Variants in RNF128 observed in about 807,000 individuals in gnomAD.
RNF128 encodes the protein ring finger protein 128, also known as E3 ubiquitin-protein ligase RNF128.
In RNF128, 13 loss-of-function variants were observed where a neutral mutation model predicts 26.2. The observed-to-expected ratio is 0.50, with a 90% CI of 0.32 to 0.79. The LOEUF (loss-of-function observed/expected upper bound fraction) is 0.79, where lower values mean the gene tolerates loss of function less well. RNF128 is among the 30% of genes least tolerant of loss of function. The probability of loss-of-function intolerance (pLI) is 0.03; values close to 1 mark genes in which losing one functional copy is unlikely to be tolerated. For synonymous variants in RNF128, 149 were observed against 142.5 expected (o/e 1.05, Z -0.32); for missense variants, 315 against 349.7 (o/e 0.90, Z 0.79).
intron 4 of RNF128, among the ~76,000 whole-genome samples, chrX:106,789,353 A>G (rs1221092320): frequency 1.0e-5 from 1 of 97,009 alleles, no homozygotes; most frequent in East Asian, 3.2e-4. Context: ...TTTATATTAT[A>G]TTATGTATAT....
chrX:106,734,694 G>A (rs1929560308), intron 1 of RNF128, among the ~76,000 whole-genome samples: 1 of 112,109 alleles, frequency 8.9e-6, no homozygotes, highest in Non-Finnish European at 1.9e-5. Flanking sequence ...GCACACCTGT[G>A]TGACCAGCGC....
intron 2 of RNF128, among the ~76,000 whole-genome samples, chrX:106,777,655 C>T (rs763378444): frequency 8.9e-6 from 1 of 111,876 alleles, no homozygotes; most frequent in South Asian, 3.8e-4. Flanking sequence ...AGGATGGAGG[C>T]CTTCATGATA....
intron 2 of RNF128, among the ~76,000 whole-genome samples, chrX:106,776,447 C>A (rs1423219445): frequency 8.9e-6 from 1 of 111,901 alleles, no homozygotes; most frequent in Admixed American, 9.5e-5. Context: ...AGAAGGAAAT[C>A]ATCTTCCAAG....
chrX:106,728,141 A>C (rs781362696), intron 1 of RNF128, among the ~76,000 whole-genome samples: 1 of 111,621 alleles, frequency 9.0e-6, no homozygotes, highest in African/African-American at 3.3e-5. Context: ...TGAGGTTACT[A>C]TTTTTCCCCG....
rs766968168 is a variant in RNF128 at position 106,773,084 on chromosome X, C to T, written c.656C>T (p.Thr219Met). ...FFVSVSFFIITAATVGYFIFY... is the reference protein window; with the variant it reads ...FFVSVSFFIIMAATVGYFIFY... The stretch of plus-strand genomic sequence containing the variant: ...GTTTCTGTGTCCTTTTTTATTATTA[C>T]GGCGGCAACTGTGGGCTATTTTATC... The change falls in exon 2 of 7, where the codon ACG becomes ATG. Residue 219 changes from threonine (T) to methionine (M), a missense_variant. Coordinates refer to ENST00000255499, the MANE Select transcript of RNF128 (RefSeq NM_194463.2). 1.1e-5 allele frequency: 13 copies of T among 1,207,798 alleles called. No homozygotes were observed. The Admixed American group carries it at 1.3e-4, about 12-fold the overall frequency.
At chrX:106,786,459 A>G (rs113768583) in intron 3 of RNF128, among the ~76,000 whole-genome samples, 121 of 111,990 alleles carry the variant, frequency 1.1e-3, no homozygotes, top group African/African-American at 3.7e-3. Context: ...CATTATTTCA[A>G]TAGATCATAG....
rs747647547 is a variant in RNF128 at position 106,731,547 on chromosome X, T to C, written c.484+4150T>C. Among the ~76,000 whole-genome samples the C allele has an allele frequency of 2.7e-5, 3 of 111,993 alleles. No individual in the cohort carries two copies. In the East Asian group the frequency reaches 8.4e-4, roughly 31 times the overall value. Reference sequence around the variant, plus strand: ...CCAGTGATGATTAACCAATGTAAAATACTATTCCCAAAGCCATTTTCAGAT... The same window carrying C: ...CCAGTGATGATTAACCAATGTAAAACACTATTCCCAAAGCCATTTTCAGAT... On this transcript the variant is annotated intron_variant, in intron 1 of 6. Transcript: ENST00000255499.
intron 2 of RNF128, among the ~76,000 whole-genome samples, chrX:106,778,648 A>G (rs758336782): frequency 9.0e-6 from 1 of 111,697 alleles, no homozygotes; most frequent in African/African-American, 3.3e-5. Context: ...GCCAGTTGCT[A>G]GCAGGATGCA....
chrX:106,779,081 T>A (rs1930519044), intron 2 of RNF128, among the ~76,000 whole-genome samples: 1 of 111,645 alleles, frequency 9.0e-6, no homozygotes, highest in Non-Finnish European at 1.9e-5. Flanking sequence ...ACAGATTAAA[T>A]CCTTGTCTAA....
At chrX:106,706,270 G>C (rs750049490) in intron 1 of RNF128, among the ~76,000 whole-genome samples, 60 of 110,721 alleles carry the variant, frequency 5.4e-4, no homozygotes, top group Non-Finnish European at 1.0e-3. Flanking sequence ...TCCAAATTGG[G>C]AATAAAAGAA....
In RNF128 at chrX:106,761,052, A is replaced by G. The variant is rs562941593; in HGVS notation, c.485-11861A>G. 7.1e-5 allele frequency among the ~76,000 whole-genome samples: 8 copies of G among 112,200 alleles called. No homozygotes were observed. In the South Asian group the frequency reaches 3.0e-3, roughly 41 times the overall value. On this transcript the variant is annotated intron_variant, in intron 1 of 6. Coordinates refer to ENST00000255499, the MANE Select transcript of RNF128 (RefSeq NM_194463.2). ...CAAAGGTCTGATATCCGAAATCTTT[A>G]AGGAACTTAAATTAACAAGCAAAAA...
intron 1 of RNF128, among the ~76,000 whole-genome samples, chrX:106,764,125 A>T (rs1205099884): frequency 9.4e-6 from 1 of 106,670 alleles, no homozygotes; most frequent in Non-Finnish European, 1.9e-5. Context: ...ACCACGCCCG[A>T]CTAATTTTTT....
intron 1 of RNF128, among the ~76,000 whole-genome samples, chrX:106,770,828 C>T (rs935652753): frequency 1.8e-5 from 2 of 111,931 alleles, no homozygotes; most frequent in African/African-American, 3.3e-5. Context: ...GGAGAAGAGG[C>T]GCTCTGATTT....
At chrX:106,700,826 C>T (rs940807479) in intron 1 of RNF128, among the ~76,000 whole-genome samples, 2 of 111,841 alleles carry the variant, frequency 1.8e-5, no homozygotes, top group Non-Finnish European at 3.8e-5. Flanking sequence ...GCTTTAGCTA[C>T]TCAACAATAG....
chrX:106,712,882 CTT>C (rs770554444), intron 1 of RNF128, among the ~76,000 whole-genome samples: 9 of 95,114 alleles, frequency 9.5e-5, no homozygotes, highest in Admixed American at 1.1e-4. Context: ...GATAAAGTTA[CTT>C]TTTTTTTTTT....
At chrX:106,793,985 A>G (rs925678687) in intron 6 of RNF128, among the ~76,000 whole-genome samples, 2 of 111,359 alleles carry the variant, frequency 1.8e-5, no homozygotes, top group Non-Finnish European at 1.9e-5. Context: ...ATGTCCTGGT[A>G]CTTATCATAC....
chrX:106,738,348 T>C (rs993824199), intron 1 of RNF128, among the ~76,000 whole-genome samples: 2 of 111,897 alleles, frequency 1.8e-5, no homozygotes, highest in Middle Eastern at 4.2e-3. Context: ...CTTGAACCTT[T>C]GCTAATAATT....
At chrX:106,778,914 G>A (rs776769059) in intron 2 of RNF128, among the ~76,000 whole-genome samples, 1 of 111,809 alleles carries the variant, frequency 8.9e-6, no homozygotes, top group Non-Finnish European at 1.9e-5. Flanking sequence ...GAAATTATCT[G>A]GAAGATTCAT....
At chrX:106,785,852 A>G (rs1930648087) in intron 3 of RNF128, among the ~76,000 whole-genome samples, 1 of 112,115 alleles carries the variant, frequency 8.9e-6, no homozygotes. Flanking sequence ...AACTTATGGA[A>G]ATAATACACC....
Sources: allele counts gnomAD v4.1 joint callset (sites outside exome capture counted in the v4.1 genomes callset), GRCh38; gene constraint gnomAD v4.1.1; transcripts MANE v1.5; gene names NCBI Gene and HGNC (gene_info 2026-07-23, HGNC 2026-07-21).